RALGAPA2: variants seen among roughly 807,000 people sequenced by gnomAD.
The protein encoded by RALGAPA2 is Ral GTPase activating protein catalytic subunit alpha 2, also known as ral GTPase-activating protein subunit alpha-2.
A neutral mutation model predicts 230.4 loss-of-function variants in RALGAPA2; 139 were observed. The ratio of observed to expected loss-of-function variants is 0.60; its 90% CI spans 0.53 to 0.69. RALGAPA2 has a LOEUF of 0.69. RALGAPA2 is among the 30% of genes least tolerant of loss of function. The pLI is 0.00. For synonymous variants in RALGAPA2, 847 were observed against 837.8 expected, an observed-to-expected ratio of 1.01 and a Z score of -0.19; for missense variants, 2,163 against 2,276.0, an observed-to-expected ratio of 0.95 and a Z score of 1.01.
chr20:20,512,449 G>A, intron 32 of RALGAPA2, 64 bp downstream of exon 32: 1 of 1,410,908 alleles, frequency 7.1e-7, no homozygotes, highest in Non-Finnish European at 9.4e-7. Context: ...ACCACAAACT[G>A]ATAAAAAGAA....
At chr20:20,522,881 G>A (rs369319894) in intron 30 of RALGAPA2, among the ~76,000 whole-genome samples, 4 of 152,172 alleles carry the variant, frequency 2.6e-5, no homozygotes, top group African/African-American at 7.2e-5. Flanking sequence ...GGCTAATGCC[G>A]TTGGCCCAAA....
At chr20:20,499,105 A>G (rs1284574965) in intron 35 of RALGAPA2, among the ~76,000 whole-genome samples, 3 of 152,204 alleles carry the variant, frequency 2.0e-5, no homozygotes, top group Non-Finnish European at 4.4e-5. Context: ...TTTAGTTAGA[A>G]TAAGACAAGG....
intron 27 of RALGAPA2, among the ~76,000 whole-genome samples, chr20:20,531,092 GC>G (rs2063355310): frequency 6.6e-6 from 1 of 152,158 alleles, no homozygotes; most frequent in Non-Finnish European, 1.5e-5. Context: ...GTGGCCTCGG[GC>G]TTGTGACCTA....
chr20:20,698,428 T>C (rs1485631144), intron 1 of RALGAPA2, among the ~76,000 whole-genome samples: 2 of 152,128 alleles, frequency 1.3e-5, no homozygotes, highest in East Asian at 3.9e-4. Context: ...TCTCGCTCTG[T>C]CACCAGACTG....
intron 38 of RALGAPA2, among the ~76,000 whole-genome samples, chr20:20,410,898 T>C (rs2060046304): frequency 6.6e-6 from 1 of 152,170 alleles, no homozygotes; most frequent in Admixed American, 6.5e-5. Context: ...TCCCAAGCCT[T>C]CTGCCTGCTG....
intron 1 of RALGAPA2, among the ~76,000 whole-genome samples, chr20:20,705,554 G>A (rs1041176552): frequency 3.3e-5 from 5 of 151,888 alleles, no homozygotes; most frequent in Non-Finnish European, 4.4e-5. Flanking sequence ...CCTTATATTC[G>A]TTATTCTTAA....
intron 38 of RALGAPA2, among the ~76,000 whole-genome samples, chr20:20,409,168 A>G (rs2060009954): frequency 1.3e-5 from 2 of 152,170 alleles, no homozygotes; most frequent in African/African-American, 4.8e-5. Context: ...GAGAGTCAGA[A>G]GCAGAGGGCA....
chr20:20,634,417 C>A (rs143839335), intron 9 of RALGAPA2, among the ~76,000 whole-genome samples: 6 of 152,180 alleles, frequency 3.9e-5, no homozygotes, highest in African/African-American at 1.4e-4. Context: ...AACTTTCTTT[C>A]AGCAAGTCTT....
At position 20,437,607 on chromosome 20, in the gene RALGAPA2, T is replaced by G. The variant is rs2060644497; in HGVS notation, c.5496-25459A>C. Among the ~76,000 whole-genome samples, 1 of 152,296 alleles carries G rather than the reference T, an allele frequency of 6.6e-6. No individual in the cohort carries two copies. Among genetic ancestry groups the G allele is most frequent in the South Asian group, 2.1e-4 (1 of 4,824 alleles). On this transcript the variant is annotated intron_variant, in intron 37 of 39. Transcript: ENST00000202677. This position sits in a 1 kb window ranked among gnomAD's most constrained non-coding sequence, Gnocchi z 4.1. ...ACACTTCACACACACGATGTGTGTG[T>G]GCTGTGCCCTCTGCCTGGGATGCTC...
chr20:20,432,401 G>A (rs1009415401), intron 37 of RALGAPA2, among the ~76,000 whole-genome samples: 4 of 152,312 alleles, frequency 2.6e-5, no homozygotes, highest in Non-Finnish European at 5.9e-5. Flanking sequence ...CCCTGAGCTC[G>A]TGACGGTGCT....
At chr20:20,475,475 A>C (rs1313709889) in intron 36 of RALGAPA2, among the ~76,000 whole-genome samples, 2 of 152,208 alleles carry the variant, frequency 1.3e-5, no homozygotes, top group Non-Finnish European at 2.9e-5. Flanking sequence ...ATACAGAATA[A>C]AAACCATATG....
intron 23 of RALGAPA2, 90 bp from the exon 24 acceptor site, chr20:20,546,922 T>A (rs2063788876): frequency 1.1e-5 from 14 of 1,301,728 alleles, no homozygotes; most frequent in Admixed American, 3.2e-5. Context: ...GACCACTGTA[T>A]AATAATCCAA....
At chr20:20,574,131 T>A (rs2064743893) in intron 20 of RALGAPA2, among the ~76,000 whole-genome samples, 1 of 152,332 alleles carries the variant, frequency 6.6e-6, no homozygotes, top group East Asian at 1.9e-4. Flanking sequence ...TTTTTAAAAT[T>A]TTAACCATTC....
At chr20:20,435,154 T>C (rs1018708495) in intron 37 of RALGAPA2, among the ~76,000 whole-genome samples, 5 of 152,222 alleles carry the variant, frequency 3.3e-5, no homozygotes, top group African/African-American at 1.2e-4. Flanking sequence ...CTGCAGACCC[T>C]TTTCCTCAAG....
chr20:20,683,160 C>T (rs11905190), intron 1 of RALGAPA2, among the ~76,000 whole-genome samples: 1 of 152,204 alleles, frequency 6.6e-6, no homozygotes, highest in African/African-American at 2.4e-5. Flanking sequence ...TGTTAGCCTG[C>T]CTTTAACACG....
intron 37 of RALGAPA2, among the ~76,000 whole-genome samples, chr20:20,468,991 A>G (rs1217407737): frequency 1.4e-5 from 2 of 142,642 alleles, no homozygotes; most frequent in East Asian, 2.0e-4. Flanking sequence ...GTGTGTGTGT[A>G]TTCTATACTC....
At chr20:20,456,356 C>T (rs1366896354) in intron 37 of RALGAPA2, among the ~76,000 whole-genome samples, 3 of 152,210 alleles carry the variant, frequency 2.0e-5, no homozygotes, top group Non-Finnish European at 4.4e-5. Flanking sequence ...GGGCAGATGC[C>T]TCATAGTGAG....
chr20:20,585,078 T>A lies in RALGAPA2; in HGVS notation c.2440-123A>T, dbSNP rs1002586333. 5 of 546,764 alleles carry A rather than the reference T, an allele frequency of 9.1e-6. No individual in the cohort carries two copies. The South Asian group carries it at 1.5e-4, about 17-fold the overall frequency. The allele number at this position is 546,764 out of a possible 1,614,324, so 33.9% of individuals were successfully genotyped here. ...TAATAATAATAGCTAAATAAATTGATGTTTTCCATTTGAAGGATATGTTTT... is the reference window on the plus strand; with the variant it reads ...TAATAATAATAGCTAAATAAATTGAAGTTTTCCATTTGAAGGATATGTTTT... On this transcript the variant is annotated intron_variant, in intron 18 of 39. Transcript: ENST00000202677.
At chr20:20,564,518 T>C (rs1306693380) in intron 23 of RALGAPA2, among the ~76,000 whole-genome samples, 4 of 152,214 alleles carry the variant, frequency 2.6e-5, no homozygotes, top group Non-Finnish European at 5.9e-5. Flanking sequence ...GTCTTTACCA[T>C]GGCAGGAAAA....
Sources: gnomAD v4.1 joint callset for allele counts (sites outside exome capture counted in the v4.1 genomes callset) on GRCh38, gnomAD v4.1.1 for gene constraint, Gnocchi (gnomAD v3.1) non-coding constraint, MANE v1.5 for transcripts, NCBI Gene and HGNC (gene_info 2026-07-23, HGNC 2026-07-21) for gene names.